SHROOM3: variants seen among roughly 807,000 people sequenced by gnomAD.
SHROOM3 encodes the protein protein Shroom3.
Under a neutral mutation model 138.6 loss-of-function variants are expected in SHROOM3, and 47 were observed. The ratio of observed to expected loss-of-function variants is 0.34; its 90% CI spans 0.27 to 0.43. The LOEUF (loss-of-function observed/expected upper bound fraction) is 0.43, where lower values mean the gene tolerates loss of function less well. Among genes scored for constraint, SHROOM3 ranks in the 20% least tolerant of loss-of-function variants. SHROOM3 has a pLI of 1.00. For missense variants in SHROOM3, 2,491 were observed against 2,596.5 expected (o/e 0.96, Z 0.88); for synonymous variants, 1,062 against 1,063.3 (o/e 1.00, Z 0.02).
intron 2 of SHROOM3, among the ~76,000 whole-genome samples, chr4:76,594,447 C>T (rs1734339799): frequency 6.6e-6 from 1 of 152,082 alleles, no homozygotes; most frequent in South Asian, 2.1e-4. Context: ...CATAGAAATG[C>T]CATCCTAGTC....
chr4:76,680,561 C>T (rs1719162974), intron 2 of SHROOM3, among the ~76,000 whole-genome samples: 1 of 152,176 alleles, frequency 6.6e-6, no homozygotes, highest in Non-Finnish European at 1.5e-5. Context: ...CCCACATAAT[C>T]GTCACTCACC....
intron 2 of SHROOM3, among the ~76,000 whole-genome samples, chr4:76,609,877 G>C (rs1279827239): frequency 2.6e-5 from 4 of 152,162 alleles, no homozygotes; most frequent in Non-Finnish European, 4.4e-5. Flanking sequence ...CTACTGAACT[G>C]TGAACATCTT....
At chr4:76,707,775 G>A (rs1720100198) in intron 2 of SHROOM3, among the ~76,000 whole-genome samples, 1 of 152,018 alleles carries the variant, frequency 6.6e-6, no homozygotes, top group South Asian at 2.1e-4. Context: ...GGTTCACTAT[G>A]GGTTTTTTTT....
chr4:76,441,096 T>TTTTTTG (rs1560506923), intron 1 of SHROOM3, among the ~76,000 whole-genome samples: 7 of 134,852 alleles, frequency 5.2e-5, no homozygotes, highest in African/African-American at 1.6e-4. Context: ...GTTTTTTTTT[T>TTTTTTG]TTTTTTTTTT....
chr4:76,600,134 A>G (rs1319577317), intron 2 of SHROOM3, among the ~76,000 whole-genome samples: 1 of 151,856 alleles, frequency 6.6e-6, no homozygotes, highest in Admixed American at 6.6e-5. Flanking sequence ...CCTGGGTGAC[A>G]GAGTGAGACC....
intron 6 of SHROOM3, among the ~76,000 whole-genome samples, chr4:76,752,869 T>G (rs1721676475): frequency 6.6e-6 from 1 of 152,198 alleles, no homozygotes; most frequent in Non-Finnish European, 1.5e-5. Flanking sequence ...AGCCTCAAGA[T>G]ATAATAAATA....
intron 1 of SHROOM3, among the ~76,000 whole-genome samples, chr4:76,446,313 T>A (rs997186502): frequency 7.7e-6 from 1 of 130,324 alleles, no homozygotes; most frequent in Non-Finnish European, 1.6e-5. Context: ...ACCCCATATC[T>A]TGATAAACTG....
At chr4:76,624,418 C>G (rs1473181178) in intron 2 of SHROOM3, among the ~76,000 whole-genome samples, 1 of 152,074 alleles carries the variant, frequency 6.6e-6, no homozygotes, top group Non-Finnish European at 1.5e-5. Flanking sequence ...TGCTTTGCTC[C>G]CGTGGTGACT....
rs527785752 is a variant in SHROOM3 at position 76,710,965 on chromosome 4, A to G, written c.455+678A>G. ...CCTCAGCATCAGCACAACAGTGCCT[A>G]CTTCATAGGACAACTGTAGGATTCA... On this transcript the variant is annotated intron_variant, in intron 3 of 10. Coordinates refer to ENST00000296043, the MANE Select transcript of SHROOM3 (RefSeq NM_020859.4). Among the ~76,000 whole-genome samples the G allele has an allele frequency of 5.3e-5, 8 of 152,360 alleles. No homozygotes were observed. In the East Asian group the frequency reaches 1.4e-3, roughly 26 times the overall value.
chr4:76,458,468 G>A (rs1349104484), intron 1 of SHROOM3, among the ~76,000 whole-genome samples: 1 of 152,108 alleles, frequency 6.6e-6, no homozygotes, highest in Non-Finnish European at 1.5e-5. Context: ...GTAGCGTTGA[G>A]TACATTGTTG....
At chr4:76,468,322 A>G (rs1442464776) in intron 1 of SHROOM3, among the ~76,000 whole-genome samples, 1 of 152,160 alleles carries the variant, frequency 6.6e-6, no homozygotes, top group Non-Finnish European at 1.5e-5. Context: ...ATTTTCTTTA[A>G]CCCAACAAGA....
intron 1 of SHROOM3, among the ~76,000 whole-genome samples, chr4:76,530,933 G>C (rs991656146): frequency 6.6e-6 from 1 of 152,120 alleles, no homozygotes; most frequent in Admixed American, 6.6e-5. Flanking sequence ...AGAAAAAGTT[G>C]CCAAGGACTG....
intron 2 of SHROOM3, among the ~76,000 whole-genome samples, chr4:76,617,492 C>T (rs1385840065): frequency 6.6e-6 from 1 of 152,170 alleles, no homozygotes; most frequent in African/African-American, 2.4e-5. Context: ...AATAATGAGA[C>T]TGATGATACA....
At chr4:76,655,391 C>T (rs190993444) in intron 2 of SHROOM3, among the ~76,000 whole-genome samples, 1 of 152,288 alleles carries the variant, frequency 6.6e-6, no homozygotes, top group East Asian at 1.9e-4. Context: ...TTTAGCATCA[C>T]CATTACATTC....
intron 7 of SHROOM3, among the ~76,000 whole-genome samples, 180 bp from the exon 8 acceptor site, chr4:76,756,263 TATAATC>T (rs1178274618): frequency 1.3e-5 from 2 of 152,186 alleles, no homozygotes; most frequent in Non-Finnish European, 2.9e-5. Context: ...GAGACCCACT[TATAATC>T]AGAAGCCATA....
chr4:76,664,663 T>G lies in SHROOM3; in HGVS notation c.324-45493T>G, dbSNP rs960745558. Among the ~76,000 whole-genome samples the G allele has an allele frequency of 6.6e-6, 1 of 152,190 alleles. No individual in the cohort carries two copies. Among genetic ancestry groups the G allele is most frequent in the Admixed American group, 6.5e-5 (1 of 15,278 alleles). ...ACAGACACACACATACTCACATACATTAAATTTGTCATCTTAACCAGTTTT... is the reference window on the plus strand; with the variant it reads ...ACAGACACACACATACTCACATACAGTAAATTTGTCATCTTAACCAGTTTT... On this transcript the variant is annotated intron_variant, in intron 2 of 10. Transcript: ENST00000296043. This position sits in a 1 kb window ranked among gnomAD's most constrained non-coding sequence, Gnocchi z 4.2.
At chr4:76,766,798 A>G (rs1373240620) in intron 9 of SHROOM3, among the ~76,000 whole-genome samples, 6 of 152,206 alleles carry the variant, frequency 3.9e-5, no homozygotes, top group Non-Finnish European at 8.8e-5. Flanking sequence ...AAAAAATTCA[A>G]ATGCCACCTA....
rs184133547 is a variant in SHROOM3 at position 76,657,756 on chromosome 4, A to G, written c.324-52400A>G. Among the ~76,000 whole-genome samples, 309 of 152,318 alleles carry G rather than the reference A, an allele frequency of 2.0e-3. 1 individual carries two copies. Among genetic ancestry groups the G allele is most frequent in the African/African-American group, 7.2e-3 (300 of 41,578 alleles). ...CTCTGTGACTGTTGGATTTTCTGAT[A>G]TAAAGATACAAAGAGAACAAACTGT... On this transcript the variant is annotated intron_variant, in intron 2 of 10. Coordinates refer to ENST00000296043, the MANE Select transcript of SHROOM3 (RefSeq NM_020859.4).
chr4:76,495,616 A>T (rs1415225037), intron 1 of SHROOM3, among the ~76,000 whole-genome samples: 2 of 152,280 alleles, frequency 1.3e-5, no homozygotes, highest in African/African-American at 4.8e-5. Context: ...CTCTGCTCCT[A>T]GGAAACCCCT....
Sources: gnomAD v4.1 joint callset for allele counts (sites outside exome capture counted in the v4.1 genomes callset) on GRCh38, gnomAD v4.1.1 for gene constraint, Gnocchi (gnomAD v3.1) non-coding constraint, MANE v1.5 for transcripts, NCBI Gene and HGNC (gene_info 2026-07-23, HGNC 2026-07-21) for gene names.